ITGBL1: variants seen among roughly 807,000 people sequenced by gnomAD.
ITGBL1 encodes the protein integrin beta-like protein 1.
Under a neutral mutation model 68.5 loss-of-function variants are expected in ITGBL1, and 51 were observed. The observed-to-expected ratio is 0.74, with a 90% confidence interval of 0.59 to 0.94. ITGBL1 has a LOEUF of 0.94. Ranked by LOEUF, ITGBL1 falls within the 40% of genes least tolerant of loss-of-function variation. The pLI is 0.00. For missense variants in ITGBL1, 649 were observed against 647.4 expected (o/e 1.00, Z -0.03); for synonymous variants, 209 against 227.3 (o/e 0.92, Z 0.72).
intron 2 of ITGBL1, among the ~76,000 whole-genome samples, chr13:101,471,658 C>T (rs973801762): frequency 6.6e-6 from 1 of 152,104 alleles, no homozygotes; most frequent in African/African-American, 2.4e-5. Context: ...CTGCATTCTG[C>T]TGCACGTTAT....
chr13:101,491,556 A>C (rs2048777271), intron 2 of ITGBL1, among the ~76,000 whole-genome samples: 1 of 152,134 alleles, frequency 6.6e-6, no homozygotes. Flanking sequence ...CATTCTTCTG[A>C]TGATTTTTAA....
At chr13:101,520,741 G>A (rs2049271694) in intron 2 of ITGBL1, among the ~76,000 whole-genome samples, 1 of 152,194 alleles carries the variant, frequency 6.6e-6, no homozygotes, top group Non-Finnish European at 1.5e-5. Flanking sequence ...AGCTGGGAAT[G>A]CAAGTCATTT....
intron 2 of ITGBL1, among the ~76,000 whole-genome samples, chr13:101,548,631 G>A (rs1332011061): frequency 2.6e-5 from 4 of 151,322 alleles, no homozygotes; most frequent in Non-Finnish European, 5.9e-5. Context: ...ATACATAGAA[G>A]GGAAAATAAC....
intron 6 of ITGBL1, among the ~76,000 whole-genome samples, chr13:101,592,601 T>C (rs2050673657): frequency 6.6e-6 from 1 of 152,078 alleles, no homozygotes; most frequent in African/African-American, 2.4e-5. Context: ...TACAGATTCG[T>C]TGCAATTCCT....
In ITGBL1 at chr13:101,652,578, A is replaced by G. The variant is rs184386392; in HGVS notation, c.1016-40007A>G. ...GGACATTTTCAGAAGTCCCAGACCT[A>G]GAACCCATAGGTGGAGAATCCAAAT... On this transcript the variant is annotated intron_variant, in intron 7 of 10. Coordinates refer to ENST00000376180, the MANE Select transcript of ITGBL1 (RefSeq NM_004791.3). 6.6e-5 allele frequency among the ~76,000 whole-genome samples: 10 copies of G among 152,350 alleles called. No homozygotes were observed. The East Asian group carries it at 1.9e-3, about 29-fold the overall frequency.
downstream of ITGBL1, chr13:101,720,611 T>C (rs3825514): frequency 0.34 from 52,185 of 151,540 alleles, 9,198 homozygotes; most frequent in East Asian, 0.52. Context: ...CTGTAAGTAG[T>C]GTCCATAAGC....
chr13:101,541,323 G>T lies in ITGBL1; in HGVS notation c.317-26376G>T, dbSNP rs184898767. 2.8e-3 allele frequency among the ~76,000 whole-genome samples: 433 copies of T among 152,164 alleles called. 3 individuals carry two copies. Among genetic ancestry groups the T allele is most frequent in the African/African-American group, 9.6e-3 (398 of 41,508 alleles). On this transcript the variant is annotated intron_variant, in intron 2 of 10. Coordinates refer to ENST00000376180, the MANE Select transcript of ITGBL1 (RefSeq NM_004791.3). ...TCTATTGAGATAATAGATGGTTTTT[G>T]TGGTTGGTTCTGTTTATATGCTGGA...
At chr13:101,615,687 G>A (rs1466545511) in intron 7 of ITGBL1, among the ~76,000 whole-genome samples, 1 of 152,072 alleles carries the variant, frequency 6.6e-6, no homozygotes, top group East Asian at 1.9e-4. Flanking sequence ...TACTCAGGAG[G>A]CTAAGGTGGG....
intron 8 of ITGBL1, among the ~76,000 whole-genome samples, chr13:101,697,448 G>T (rs575957101): frequency 6.6e-6 from 1 of 152,226 alleles, no homozygotes; most frequent in South Asian, 2.1e-4. Context: ...ATCCTCAGTT[G>T]CTTTAATGTA....
intron 7 of ITGBL1, among the ~76,000 whole-genome samples, chr13:101,642,023 A>G (rs1392959796): frequency 6.6e-6 from 1 of 151,940 alleles, no homozygotes; most frequent in Non-Finnish European, 1.5e-5. Context: ...CAATAAACAT[A>G]CGTGTGCATG....
At chr13:101,488,847 G>A (rs372785229) in intron 2 of ITGBL1, among the ~76,000 whole-genome samples, 3 of 152,240 alleles carry the variant, frequency 2.0e-5, no homozygotes, top group African/African-American at 7.2e-5. Flanking sequence ...CAAAAAAAAG[G>A]GAGTTATATT....
At chr13:101,531,065 A>T (rs1325199404) in intron 2 of ITGBL1, among the ~76,000 whole-genome samples, 1 of 152,146 alleles carries the variant, frequency 6.6e-6, no homozygotes, top group Non-Finnish European at 1.5e-5. Flanking sequence ...TATTTTAAAA[A>T]CTTTGGAGGC....
At chr13:101,581,101 T>C (rs2050450145) in intron 5 of ITGBL1, among the ~76,000 whole-genome samples, 1 of 152,164 alleles carries the variant, frequency 6.6e-6, no homozygotes, top group Admixed American at 6.5e-5. Context: ...CACTGGTCCC[T>C]GCACATACCT....
chr13:101,614,912 T>C (rs1273950854), intron 7 of ITGBL1, among the ~76,000 whole-genome samples: 1 of 152,112 alleles, frequency 6.6e-6, no homozygotes, highest in African/African-American at 2.4e-5. Flanking sequence ...AGGTGACCCC[T>C]TGTGATCCAC....
intron 2 of ITGBL1, among the ~76,000 whole-genome samples, chr13:101,504,304 T>C (rs2048990726): frequency 6.6e-6 from 1 of 152,156 alleles, no homozygotes; most frequent in South Asian, 2.1e-4. Context: ...AAAGGAATCA[T>C]GCCCTCTCAG....
chr13:101,485,603 G>C (rs997468551), intron 2 of ITGBL1, among the ~76,000 whole-genome samples: 1 of 152,026 alleles, frequency 6.6e-6, no homozygotes, highest in Non-Finnish European at 1.5e-5. Context: ...AGGAGATCGA[G>C]ACCACAGTGA....
At chr13:101,616,850 T>C (rs2031383522) in intron 7 of ITGBL1, among the ~76,000 whole-genome samples, 1 of 152,186 alleles carries the variant, frequency 6.6e-6, no homozygotes. Flanking sequence ...ATAATCTGCA[T>C]TGTAATGAGG....
At chr13:101,589,682 C>T (rs1039392753) in intron 6 of ITGBL1, among the ~76,000 whole-genome samples, 7 of 152,178 alleles carry the variant, frequency 4.6e-5, no homozygotes, top group African/African-American at 1.7e-4. Context: ...CTCTTAAATT[C>T]ATCCCAATGT....
chr13:101,658,771 G>A (rs2033000736), intron 7 of ITGBL1, among the ~76,000 whole-genome samples: 1 of 152,056 alleles, frequency 6.6e-6, no homozygotes, highest in Non-Finnish European at 1.5e-5. Context: ...TGAGGAACTT[G>A]GTGCTAAATC....
Sources: allele counts gnomAD v4.1 joint callset (sites outside exome capture counted in the v4.1 genomes callset), GRCh38; gene constraint gnomAD v4.1.1; transcripts MANE v1.5; gene names NCBI Gene and HGNC (gene_info 2026-07-23, HGNC 2026-07-21).